Variants in DACH2 observed in about 807,000 individuals in gnomAD.
DACH2 encodes the protein dachshund family transcription factor 2.
In DACH2, 17 loss-of-function variants were observed where a neutral mutation model predicts 35.8. The observed-to-expected ratio is 0.48, with a 90% CI of 0.33 to 0.71. DACH2 has a LOEUF of 0.71. DACH2 is among the 30% of genes least tolerant of loss of function. The pLI, the probability that DACH2 is intolerant of heterozygous loss-of-function variation, is 0.02. For missense variants in DACH2, 469 were observed against 472.7 expected, an observed-to-expected ratio of 0.99 and a Z score of 0.07; for synonymous variants, 195 against 177.3, an observed-to-expected ratio of 1.10 and a Z score of -0.79.
intron 4 of DACH2, among the ~76,000 whole-genome samples, chrX:86,693,237 C>A (rs1236204317): frequency 1.8e-5 from 2 of 112,294 alleles, no homozygotes; most frequent in Non-Finnish European, 3.8e-5. Flanking sequence ...ACATACTAAG[C>A]TTTCATGCCA....
At position 86,196,106 on chromosome X, in the gene DACH2, A is replaced by G. The variant is rs762972019; in HGVS notation, c.488+46998A>G. On this transcript the variant is annotated intron_variant, in intron 1 of 11. Transcript: ENST00000373125. Reference sequence around the variant, plus strand: ...GGGCTGAGATGGCTGAAATGACATAAACAGAATTAAGAATATGGATAGGAA... The same window carrying G: ...GGGCTGAGATGGCTGAAATGACATAGACAGAATTAAGAATATGGATAGGAA... 4.5e-5 allele frequency among the ~76,000 whole-genome samples: 5 copies of G among 111,485 alleles called. No homozygotes were observed. The South Asian group carries it at 1.9e-3, about 43-fold the overall frequency.
intron 1 of DACH2, among the ~76,000 whole-genome samples, chrX:86,223,525 T>C (rs970724650): frequency 5.4e-5 from 6 of 112,045 alleles, no homozygotes; most frequent in Admixed American, 3.8e-4. Flanking sequence ...TAATTATGTA[T>C]ATTATGTAAG....
In DACH2 at chrX:86,797,393, C is replaced by T. The variant is rs187492069; in HGVS notation, c.1241-15463C>T. Among the ~76,000 whole-genome samples, 179 of 110,869 alleles carry T rather than the reference C, an allele frequency of 1.6e-3. 1 individual carries two copies. Among genetic ancestry groups the T allele is most frequent in the African/African-American group, 5.7e-3 (174 of 30,670 alleles). ...TGCATAAACCCAGCCTCAGCATAGACATAGTTTTATATTCAGTAAACACTT... is the reference window on the plus strand; with the variant it reads ...TGCATAAACCCAGCCTCAGCATAGATATAGTTTTATATTCAGTAAACACTT... On this transcript the variant is annotated intron_variant, in intron 7 of 11. Coordinates refer to ENST00000373125, the MANE Select transcript of DACH2 (RefSeq NM_053281.3).
chrX:86,415,442 GA>G (rs1354273307), intron 2 of DACH2, among the ~76,000 whole-genome samples: 2 of 111,869 alleles, frequency 1.8e-5, no homozygotes, highest in Non-Finnish European at 3.8e-5. Context: ...CATTTGATAA[GA>G]AAAAGAAAAG....
intron 1 of DACH2, among the ~76,000 whole-genome samples, chrX:86,369,209 A>G (rs2035851045): frequency 9.0e-6 from 1 of 111,253 alleles, no homozygotes; most frequent in Non-Finnish European, 1.9e-5. Flanking sequence ...AATAATTTGT[A>G]ATTTTAAATA....
intron 2 of DACH2, among the ~76,000 whole-genome samples, chrX:86,399,790 C>T (rs1213917673): frequency 9.0e-6 from 1 of 111,657 alleles, no homozygotes; most frequent in East Asian, 2.8e-4. Context: ...GTAACCAGAC[C>T]TTTCTCTCTG....
intron 2 of DACH2, among the ~76,000 whole-genome samples, chrX:86,506,055 G>A (rs2038318710): frequency 8.9e-6 from 1 of 111,809 alleles, no homozygotes; most frequent in Admixed American, 9.5e-5. Context: ...GACAGCAACT[G>A]AAAATAACAC....
chrX:86,374,224 G>A (rs1441501590), intron 1 of DACH2, among the ~76,000 whole-genome samples: 3 of 111,112 alleles, frequency 2.7e-5, no homozygotes, highest in Admixed American at 9.6e-5. Context: ...AATCACTGTC[G>A]TTAACTTTGT....
chrX:86,408,649 C>G (rs2036563032), intron 2 of DACH2, among the ~76,000 whole-genome samples: 1 of 111,572 alleles, frequency 9.0e-6, no homozygotes. Context: ...GCTCTTGCGA[C>G]TTGAGAGGTA....
intron 3 of DACH2, among the ~76,000 whole-genome samples, chrX:86,570,437 G>C (rs920287341): frequency 1.8e-5 from 2 of 111,346 alleles, no homozygotes; most frequent in Non-Finnish European, 3.8e-5. Context: ...GTCCTTTGCA[G>C]GGAGATGGAT....
chrX:86,269,049 G>T (rs775639149), intron 1 of DACH2, among the ~76,000 whole-genome samples: 5 of 110,105 alleles, frequency 4.5e-5, no homozygotes, highest in Non-Finnish European at 7.6e-5. Flanking sequence ...TCACCCTGTT[G>T]TGCTATCAAA....
At chrX:86,283,647 G>T (rs2034079105) in intron 1 of DACH2, among the ~76,000 whole-genome samples, 1 of 102,286 alleles carries the variant, frequency 9.8e-6, no homozygotes, top group South Asian at 4.6e-4. Flanking sequence ...CAAACACCAC[G>T]TTCTCACTCA....
At chrX:86,188,625 G>A (rs977467308) in intron 1 of DACH2, among the ~76,000 whole-genome samples, 1 of 111,665 alleles carries the variant, frequency 9.0e-6, no homozygotes, top group African/African-American at 3.3e-5. Flanking sequence ...GATCAAAAGG[G>A]GCCTTTTAAG....
rs140328555 is a variant in DACH2 at position 86,719,447 on chromosome X, A to C, written c.1104+4727A>C. Among the ~76,000 whole-genome samples, 707 of 111,718 alleles carry C rather than the reference A, an allele frequency of 6.3e-3. 9 individuals are homozygous for C. Among genetic ancestry groups the C allele is most frequent in the African/African-American group, 0.021 (645 of 30,744 alleles). ...CCCCTTTTCAATTTGGATGCCTTTT[A>C]TTTCTTTCTTTTGCATGATTGCTCT... is the stretch of plus-strand genomic sequence containing the variant. On this transcript the variant is annotated intron_variant, in intron 6 of 11. Coordinates refer to ENST00000373125, the MANE Select transcript of DACH2 (RefSeq NM_053281.3).
At chrX:86,421,716 T>C (rs1327709984) in intron 2 of DACH2, among the ~76,000 whole-genome samples, 1 of 111,611 alleles carries the variant, frequency 9.0e-6, no homozygotes, top group Non-Finnish European at 1.9e-5. Context: ...TTGGTATTGG[T>C]TTCCTTTGTT....
chrX:86,217,422 G>A (rs974544667), intron 1 of DACH2, among the ~76,000 whole-genome samples: 1 of 111,318 alleles, frequency 9.0e-6, no homozygotes, highest in African/African-American at 3.3e-5. Context: ...ACCTGTTAGG[G>A]AAGTAATAAG....
chrX:86,303,676 G>A (rs1316528530), intron 1 of DACH2, among the ~76,000 whole-genome samples: 1 of 109,535 alleles, frequency 9.1e-6, no homozygotes, highest in African/African-American at 3.3e-5. Context: ...TTTAACAAAA[G>A]CAATCTACCT....
chrX:86,223,521 T>C (rs2032758085), intron 1 of DACH2, among the ~76,000 whole-genome samples: 1 of 111,999 alleles, frequency 8.9e-6, no homozygotes, highest in African/African-American at 3.2e-5. Context: ...CACATAATTA[T>C]GTATATTATG....
intron 3 of DACH2, among the ~76,000 whole-genome samples, chrX:86,630,622 T>C (rs988249588): frequency 9.0e-6 from 1 of 111,064 alleles, no homozygotes; most frequent in African/African-American, 3.3e-5. Flanking sequence ...TAAGACAGGT[T>C]CTGTATAGTG....
Sources: gnomAD v4.1 joint callset for allele counts (sites outside exome capture counted in the v4.1 genomes callset) on GRCh38, gnomAD v4.1.1 for gene constraint, MANE v1.5 for transcripts, NCBI Gene and HGNC (gene_info 2026-07-23, HGNC 2026-07-21) for gene names.